SUZ12: variants seen among roughly 807,000 people sequenced by gnomAD.
SUZ12 encodes polycomb protein SUZ12.
Under a neutral mutation model 87.3 loss-of-function variants are expected in SUZ12, and 17 were observed. The observed-to-expected ratio is 0.19, with a 90% CI of 0.13 to 0.29. The LOEUF (loss-of-function observed/expected upper bound fraction) is 0.29, where lower values mean the gene tolerates loss of function less well. SUZ12 is among the 10% of genes least tolerant of loss of function. SUZ12 has a pLI of 1.00. For missense variants in SUZ12, 526 were observed against 912.2 expected (o/e 0.58, Z 5.45); for synonymous variants, 253 against 312.4 (o/e 0.81, Z 2.01).
chr17:31,991,250 A>C (rs1234130343), intron 10 of SUZ12, among the ~76,000 whole-genome samples: 1 of 152,058 alleles, frequency 6.6e-6, no homozygotes, highest in Non-Finnish European at 1.5e-5. Flanking sequence ...AGTGGCTGAC[A>C]TCTGTAATTC....
chr17:31,971,087 C>G (rs1293387854), intron 5 of SUZ12, among the ~76,000 whole-genome samples: 1 of 151,958 alleles, frequency 6.6e-6, no homozygotes, highest in African/African-American at 2.4e-5. Flanking sequence ...TTTTGTAAGC[C>G]AAGATATTCT....
chr17:31,986,238 G>A (rs12948567), intron 9 of SUZ12, among the ~76,000 whole-genome samples: 13 of 152,254 alleles, frequency 8.5e-5, no homozygotes, highest in African/African-American at 2.2e-4. Flanking sequence ...TACTGTGCCC[G>A]GCCTATCTGG....
chr17:31,946,628 G>A (rs1906654216), intron 3 of SUZ12, among the ~76,000 whole-genome samples: 1 of 152,212 alleles, frequency 6.6e-6, no homozygotes, highest in Non-Finnish European at 1.5e-5. Context: ...GCATTATAAA[G>A]TAATAAATTG....
At chr17:31,956,082 T>C (rs1907315500) in intron 4 of SUZ12, among the ~76,000 whole-genome samples, 1 of 151,848 alleles carries the variant, frequency 6.6e-6, no homozygotes, top group Non-Finnish European at 1.5e-5. Context: ...CCGGCTAATT[T>C]TTTGTATTTT....
intron 5 of SUZ12, among the ~76,000 whole-genome samples, chr17:31,972,552 C>T (rs1459247958): frequency 6.6e-6 from 1 of 152,048 alleles, no homozygotes; most frequent in Admixed American, 6.6e-5. Flanking sequence ...GCTAGGACTA[C>T]AGGCACATGA....
chr17:31,998,612 C>G (rs1437622979), intron 15 of SUZ12, 46 bp from the exon 16 acceptor site: 1 of 1,405,992 alleles, frequency 7.1e-7, no homozygotes, highest in Non-Finnish European at 9.5e-7. Context: ...TTGCATTTGA[C>G]AAAAATGCTT....
intron 4 of SUZ12, among the ~76,000 whole-genome samples, chr17:31,961,077 G>A (rs1907684141): frequency 6.6e-6 from 1 of 151,900 alleles, no homozygotes; most frequent in South Asian, 2.1e-4. Context: ...ACTGGGCATG[G>A]CAGCATGTGC....
At chr17:31,954,807 T>G (rs1907209032) in intron 4 of SUZ12, among the ~76,000 whole-genome samples, 1 of 152,168 alleles carries the variant, frequency 6.6e-6, no homozygotes, top group Non-Finnish European at 1.5e-5. Flanking sequence ...TAGGTGGTTC[T>G]AGTTAAAGGG....
chr17:31,992,319 C>G (rs145362807), intron 10 of SUZ12, among the ~76,000 whole-genome samples: 146 of 152,264 alleles, frequency 9.6e-4, no homozygotes, highest in Non-Finnish European at 1.8e-3. Flanking sequence ...ATTCTGACCT[C>G]AGAGTGCTTA....
chr17:31,963,068 T>G (rs1303536391), intron 4 of SUZ12, among the ~76,000 whole-genome samples: 1 of 148,330 alleles, frequency 6.7e-6, no homozygotes, highest in South Asian at 2.2e-4. Context: ...CGTAGAAATC[T>G]GATTCATGTA....
chr17:31,996,924 TC>T, intron 15 of SUZ12, 47 bp downstream of exon 15: 4 of 1,150,806 alleles, frequency 3.5e-6, no homozygotes, highest in Non-Finnish European at 3.5e-6. Context: ...TTCTTTATGG[TC>T]TTTTGCTGTT....
In SUZ12 at chr17:31,937,421, T is replaced by G; in HGVS notation, c.175T>G (p.Ser59Ala). Residue 59 changes from serine to alanine, a missense_variant, in exon 1 of 16, where the codon TCC (serine) becomes GCC (alanine). Physicochemically the swap from Ser to Ala is moderately conservative, Grantham distance 99. Coordinates refer to ENST00000322652, the MANE Select transcript of SUZ12 (RefSeq NM_015355.4). Reference protein sequence around the residue: ...GGSYSASSSSSAAAAAGAAVL... With the variant: ...GGSYSASSSSAAAAAAGAAVL... ...CAGTTACTCGGCCTCCTCCTCCTCC[T>G]CCGCGGCGGCAGCGGCGGGGGCTGC... The G allele has an allele frequency of 6.5e-7, 1 of 1,542,898 alleles. No individual in the cohort carries two copies.
chr17:31,994,636 C>T lies in SUZ12; in HGVS notation c.1510C>T (p.Gln504Ter). The T allele has an allele frequency of 6.2e-7, 1 of 1,614,020 alleles. No homozygotes were observed. Among genetic ancestry groups the T allele is most frequent in the Non-Finnish European group, 8.5e-7 (1 of 1,179,994 alleles). Residue 504 changes from glutamine to a stop codon, truncating the protein, a stop_gained, in exon 13 of 16, where the codon CAG becomes TAG. Coordinates refer to ENST00000322652, the MANE Select transcript of SUZ12 (RefSeq NM_015355.4). LOFTEE classifies it high-confidence loss of function. ...CYDGSYAGNPQDIHRQPGFAF... is the reference protein window; with the variant it reads ...CYDGSYAGNP Reference sequence around the variant, plus strand: ...TGATGGCTCCTATGCAGGAAATCCTCAGGATATTCATCGCCAACCTGGATT... The same window carrying T: ...TGATGGCTCCTATGCAGGAAATCCTTAGGATATTCATCGCCAACCTGGATT...
At chr17:31,938,852 A>G (rs1906100968) in intron 1 of SUZ12, among the ~76,000 whole-genome samples, 1 of 152,202 alleles carries the variant, frequency 6.6e-6, no homozygotes, top group African/African-American at 2.4e-5. Flanking sequence ...TGATGAGTCG[A>G]CCTCAGGGAA....
chr17:31,988,563 T>C (rs1909533503), intron 10 of SUZ12, 66 bp downstream of exon 10: 8 of 1,421,428 alleles, frequency 5.6e-6, no homozygotes, highest in African/African-American at 1.5e-5. Flanking sequence ...GTGCTTTAGA[T>C]TAATTCATTT....
intron 7 of SUZ12, 119 bp downstream of exon 7, chr17:31,975,832 ACCT>A: frequency 1.3e-6 from 1 of 756,090 alleles, no homozygotes; most frequent in East Asian, 2.8e-5. Context: ...CAGTGAATTC[ACCT>A]CCACCTCAAC....
At chr17:31,993,797 GA>G in intron 11 of SUZ12, 67 bp from the exon 12 acceptor site, 1 of 1,451,104 alleles carries the variant, frequency 6.9e-7, no homozygotes, top group South Asian at 1.3e-5. Context: ...TTTTAGAAGT[GA>G]TATTTAAACA....
At chr17:31,956,790 A>AT (rs571434610) in intron 4 of SUZ12, among the ~76,000 whole-genome samples, 43 of 151,570 alleles carry the variant, frequency 2.8e-4, no homozygotes, top group African/African-American at 8.0e-4. Flanking sequence ...ATATATATAT[A>AT]TTTTTTGGTT....
At chr17:31,980,429 C>CTTTTTTTTTTTTTT (rs58491591) in intron 8 of SUZ12, among the ~76,000 whole-genome samples, 8 of 53,832 alleles carry the variant, frequency 1.5e-4, no homozygotes, top group Admixed American at 3.4e-4. Flanking sequence ...TCACCTTCTC[C>CTTTTTTTTTTTTTT]TTTTTTTTTT....
Sources: gnomAD v4.1 joint callset for allele counts (sites outside exome capture counted in the v4.1 genomes callset) on GRCh38, gnomAD v4.1.1 for gene constraint, MANE v1.5 for transcripts, NCBI Gene and HGNC (gene_info 2026-07-23, HGNC 2026-07-21) for gene names.